The following FCHSD2 variants were observed in gnomAD, a reference collection of about 807,000 sequenced individuals.
FCHSD2 encodes FCH and double SH3 domains 2, also known as F-BAR and double SH3 domains protein 2.
A neutral mutation model predicts 108.1 loss-of-function variants in FCHSD2; 38 were observed. The ratio of observed to expected loss-of-function variants is 0.35; its 90% CI spans 0.27 to 0.46. The LOEUF (loss-of-function observed/expected upper bound fraction) is 0.46. Among genes scored for constraint, FCHSD2 ranks in the 20% least tolerant of loss-of-function variants. The probability of loss-of-function intolerance (pLI) is 1.00; values close to 1 mark genes in which losing one functional copy is unlikely to be tolerated. For synonymous variants in FCHSD2, 279 were observed against 314.7 expected (o/e 0.89, Z 1.20); for missense variants, 751 against 897.8 (o/e 0.84, Z 2.09).
intron 9 of FCHSD2, among the ~76,000 whole-genome samples, chr11:72,910,728 T>C (rs1477124112): frequency 6.6e-6 from 1 of 151,858 alleles, no homozygotes; most frequent in Non-Finnish European, 1.5e-5. Flanking sequence ...CCAGAGACCT[T>C]TGTTCACGTG....
intron 2 of FCHSD2, among the ~76,000 whole-genome samples, chr11:73,128,284 T>G (rs1230806746): frequency 6.6e-6 from 1 of 152,136 alleles, no homozygotes; most frequent in Non-Finnish European, 1.5e-5. Context: ...CTCCAATGCA[T>G]TTTTTAATAC....
At chr11:73,036,744 G>A (rs1405050168) in intron 3 of FCHSD2, among the ~76,000 whole-genome samples, 1 of 152,060 alleles carries the variant, frequency 6.6e-6, no homozygotes, top group Non-Finnish European at 1.5e-5. Context: ...CTATATACAA[G>A]GTACTAACAT....
At chr11:73,135,983 A>G (rs982091900) in intron 2 of FCHSD2, among the ~76,000 whole-genome samples, 3 of 151,938 alleles carry the variant, frequency 2.0e-5, no homozygotes, top group Non-Finnish European at 4.4e-5. Flanking sequence ...GGCAACAAAC[A>G]AACCCTGTCT....
chr11:72,929,408 C>T (rs1449250305), intron 8 of FCHSD2, among the ~76,000 whole-genome samples: 6 of 152,218 alleles, frequency 3.9e-5, no homozygotes, highest in African/African-American at 1.4e-4. Context: ...TTAACCTGCA[C>T]ATGAACTCAT....
chr11:73,141,727 G>A, intron 1 of FCHSD2, 130 bp downstream of exon 1: 1 of 996,554 alleles, frequency 1.0e-6, no homozygotes. Context: ...CCGGCGGCAA[G>A]TCGGTGACAA....
At chr11:73,135,100 C>T (rs1308825595) in intron 2 of FCHSD2, among the ~76,000 whole-genome samples, 14 of 152,188 alleles carry the variant, frequency 9.2e-5, no homozygotes, top group Admixed American at 7.2e-4. Flanking sequence ...GTGATCCACC[C>T]GCCTTGGCCT....
At chr11:73,083,627 A>T (rs1039451690) in intron 3 of FCHSD2, 68 bp downstream of exon 3, 9 of 946,494 alleles carry the variant, frequency 9.5e-6, no homozygotes, top group Non-Finnish European at 1.5e-5. Flanking sequence ...TCTCTCCAAA[A>T]ACCATCTCTG....
rs150056236 is a variant in FCHSD2 at position 73,127,681 on chromosome 11, A to T, written c.119+12350T>A. ...TTGATACTCTCAAGAGTAAATTGCC[A>T]ATCATCAATTATTAAGGGGCAAATT... On this transcript the variant is annotated intron_variant, in intron 2 of 19. Transcript: ENST00000409418. 1.3e-4 allele frequency among the ~76,000 whole-genome samples: 20 copies of T among 152,328 alleles called. No homozygotes were observed. The East Asian group carries it at 3.7e-3, about 28-fold the overall frequency.
intron 8 of FCHSD2, among the ~76,000 whole-genome samples, chr11:72,955,687 T>C (rs1188181215): frequency 6.6e-6 from 1 of 152,142 alleles, no homozygotes; most frequent in African/African-American, 2.4e-5. Flanking sequence ...AGGAGCTCTG[T>C]GTCAGACACT....
At chr11:73,003,718 C>A (rs1857675552) in intron 4 of FCHSD2, among the ~76,000 whole-genome samples, 1 of 151,564 alleles carries the variant, frequency 6.6e-6, no homozygotes, top group Admixed American at 6.6e-5. Context: ...GATCTCCTGA[C>A]CTCGTGATCC....
intron 9 of FCHSD2, among the ~76,000 whole-genome samples, chr11:72,909,594 A>G (rs7113404): frequency 0.99 from 149,192 of 149,988 alleles, 74,199 homozygotes; most frequent in Non-Finnish European, 1. Context: ...AGTGAGGAGC[A>G]TCTCTGCCTG....
chr11:73,063,730 G>A (rs892113167), intron 3 of FCHSD2, among the ~76,000 whole-genome samples: 1 of 152,158 alleles, frequency 6.6e-6, no homozygotes, highest in Non-Finnish European at 1.5e-5. Flanking sequence ...AATGCAGCAA[G>A]AAGAGCTAAC....
chr11:72,850,012 T>C (rs999896637), intron 13 of FCHSD2, 123 bp from the exon 14 acceptor site: 6 of 639,742 alleles, frequency 9.4e-6, no homozygotes, highest in Middle Eastern at 3.0e-4. Context: ...TGCATAGAAA[T>C]GACTATCTTT....
At chr11:72,974,211 T>C (rs1283767532) in intron 8 of FCHSD2, among the ~76,000 whole-genome samples, 1 of 152,212 alleles carries the variant, frequency 6.6e-6, no homozygotes, top group Non-Finnish European at 1.5e-5. Flanking sequence ...TGTAGGGGCC[T>C]GTATCTGGCA....
intron 3 of FCHSD2, chr11:73,077,557 T>C: frequency 2.6e-6 from 1 of 389,618 alleles, no homozygotes; most frequent in Non-Finnish European, 4.9e-6. Flanking sequence ...AAACCACTTA[T>C]CCATACACAA....
Position 72,921,120 on chromosome 11 carries a change from T to C in FCHSD2, c.828+708A>G, listed in dbSNP as rs554459709. Among the ~76,000 whole-genome samples, 22 of 152,128 alleles carry C rather than the reference T, an allele frequency of 1.4e-4. No homozygotes were observed. In the South Asian group the frequency reaches 3.9e-3, roughly 27 times the overall value. ...ATCTTTTAAAGTAGCAGTTATGAAA[T>C]GCGTATTTTTAAAAAATGCATTCCT... On this transcript the variant is annotated intron_variant, in intron 9 of 19. Transcript: ENST00000409418.
chr11:73,049,595 T>G, intron 3 of FCHSD2, among the ~76,000 whole-genome samples: 2 of 149,368 alleles, frequency 1.3e-5, no homozygotes, highest in Admixed American at 6.7e-5. Flanking sequence ...GATGACACGT[T>G]AGTGGGTGCA....
intron 12 of FCHSD2, among the ~76,000 whole-genome samples, chr11:72,883,321 T>C (rs1002956588): frequency 1.3e-5 from 2 of 152,206 alleles, no homozygotes; most frequent in Admixed American, 6.5e-5. Context: ...AATTCATAAA[T>C]TAATCTCATC....
At position 72,849,882 on chromosome 11, in the gene FCHSD2, G is replaced by C. The variant is rs781628927; in HGVS notation, c.1316C>G (p.Ala439Gly). ...TSNGTLHSLN[A>G]DTEREEGEEF... ...TTCGCCTTCTTCTCTTTCGGTATCT[G>C]CATTAAGCTAAGAAAAATTAGAAAC... The change falls in exon 14 of 20, where the codon GCA (alanine) becomes GGA (glycine). Residue 439 changes from alanine (A) to glycine (G), a missense_variant. By Grantham distance (60) the Ala-to-Gly change is moderately conservative. Transcript: ENST00000409418. 11 of 1,607,992 alleles carry C rather than the reference G, an allele frequency of 6.8e-6. No homozygotes were observed. Among genetic ancestry groups the C allele is most frequent in the Non-Finnish European group, 9.3e-6 (11 of 1,178,068 alleles).
Sources: allele counts gnomAD v4.1 joint callset (sites outside exome capture counted in the v4.1 genomes callset), GRCh38; gene constraint gnomAD v4.1.1; transcripts MANE v1.5; gene names NCBI Gene and HGNC (gene_info 2026-07-23, HGNC 2026-07-21).